The following FBXW10B variants were observed in gnomAD, a reference collection of about 807,000 sequenced individuals.
FBXW10B encodes F-box and WD repeat domain containing protein 10B.
the FBXW10B span, chr17:15,593,459 G>T: frequency 6.2e-7 from 1 of 1,614,136 alleles, no homozygotes; most frequent in Non-Finnish European, 8.5e-7. Context: ...AGGCGCTGAT[G>T]ACCCGGAGGA....
At chr17:15,569,861 C>T in the FBXW10B span, among the ~76,000 whole-genome samples, 20 of 152,276 alleles carry the variant, frequency 1.3e-4, no homozygotes, top group Non-Finnish European at 1.6e-4. Context: ...AGGCATGAGC[C>T]ACCATGTATG....
At chr17:15,572,108 A>G in the FBXW10B span, 3 of 150,266 alleles carry the variant, frequency 2.0e-5, no homozygotes, top group Non-Finnish European at 4.4e-5. Context: ...TTTTTAACTC[A>G]GAACTAACTG....
the FBXW10B span, chr17:15,589,114 T>C: frequency 6.3e-7 from 1 of 1,592,526 alleles, no homozygotes; most frequent in Non-Finnish European, 8.6e-7. Context: ...GAGTCTCACA[T>C]GAGCACACTC....
the FBXW10B span, chr17:15,574,063 T>C: frequency 1.4e-6 from 1 of 692,828 alleles, no homozygotes; most frequent in Non-Finnish European, 2.6e-6. Context: ...GAGAGGAATG[T>C]CTCGTCTTCT....
At chr17:15,576,536 C>T in the FBXW10B span, among the ~76,000 whole-genome samples, 96 of 152,338 alleles carry the variant, frequency 6.3e-4, no homozygotes, top group Admixed American at 3.3e-3. Flanking sequence ...TTCCTGCAGG[C>T]GGAGCCAGGA....
At chr17:15,582,903 A>G in the FBXW10B span, among the ~76,000 whole-genome samples, 8 of 150,920 alleles carry the variant, frequency 5.3e-5, no homozygotes, top group East Asian at 1.6e-3. Context: ...AGCTAGCTGA[A>G]GGCTGTTTCT....
the FBXW10B span, chr17:15,571,759 A>G: frequency 6.6e-6 from 1 of 152,264 alleles, no homozygotes; most frequent in Non-Finnish European, 1.5e-5. Flanking sequence ...ATGAATAGAT[A>G]AACAAATTAC....
the FBXW10B span, among the ~76,000 whole-genome samples, chr17:15,580,908 T>C: frequency 6.6e-6 from 1 of 152,074 alleles, no homozygotes; most frequent in Admixed American, 6.5e-5. Context: ...ATTTACATCA[T>C]TGTATTTAAT....
At chr17:15,607,566 G>C in the FBXW10B span, 1 of 1,610,030 alleles carries the variant, frequency 6.2e-7, no homozygotes, top group Non-Finnish European at 8.5e-7. Context: ...TCTGACCCCA[G>C]TACCTACGTG....
At chr17:15,612,078 C>T in the FBXW10B span, among the ~76,000 whole-genome samples, 3 of 152,146 alleles carry the variant, frequency 2.0e-5, no homozygotes, top group African/African-American at 7.2e-5. Context: ...TTGCTCCTGG[C>T]CTCTGAACTT....
At chr17:15,609,832 TTCTC>T in the FBXW10B span, among the ~76,000 whole-genome samples, 1 of 149,460 alleles carries the variant, frequency 6.7e-6, no homozygotes, top group Non-Finnish European at 1.5e-5. Flanking sequence ...TCTCTCCCTT[TTCTC>T]TCTCTTTCTT....
chr17:15,605,613 C>CA, the FBXW10B span, among the ~76,000 whole-genome samples: 1 of 152,128 alleles, frequency 6.6e-6, no homozygotes, highest in Non-Finnish European at 1.5e-5. Flanking sequence ...CATACGATGA[C>CA]AAAAATCCAT....
the FBXW10B span, among the ~76,000 whole-genome samples, chr17:15,581,034 T>C: frequency 2.8e-4 from 42 of 152,232 alleles, no homozygotes; most frequent in Non-Finnish European, 2.1e-4. Flanking sequence ...CCTTCCCTAT[T>C]GTCTTTTTAT....
chr17:15,603,888 C>G, the FBXW10B span, among the ~76,000 whole-genome samples: 4 of 144,414 alleles, frequency 2.8e-5, no homozygotes, highest in South Asian at 9.2e-4. Context: ...CTGGCTAACA[C>G]GGGGAAACCC....
the FBXW10B span, chr17:15,572,048 T>C: frequency 6.6e-6 from 1 of 151,794 alleles, no homozygotes; most frequent in Non-Finnish European, 1.5e-5. Flanking sequence ...ATTTATATGT[T>C]CCATATCTTG....
the FBXW10B span, among the ~76,000 whole-genome samples, chr17:15,612,231 G>C: frequency 1.3e-5 from 2 of 152,202 alleles, no homozygotes; most frequent in African/African-American, 4.8e-5. Context: ...TGTCGGGCTG[G>C]GCGCGGTGGC....
At chr17:15,611,008 C>A in the FBXW10B span, among the ~76,000 whole-genome samples, 677 of 151,372 alleles carry the variant, frequency 4.5e-3, 7 homozygotes, top group Middle Eastern at 0.031. Flanking sequence ...CAAAGGAAAT[C>A]CAGAAATGTG....
At chr17:15,612,323 C>T in the FBXW10B span, among the ~76,000 whole-genome samples, 1 of 151,622 alleles carries the variant, frequency 6.6e-6, no homozygotes, top group Admixed American at 6.6e-5. Context: ...GGGGCTAACA[C>T]GGTGAAACCC....
At chr17:15,591,776 C>G in the FBXW10B span, among the ~76,000 whole-genome samples, 2 of 152,156 alleles carry the variant, frequency 1.3e-5, no homozygotes, top group African/African-American at 4.8e-5. Context: ...GGAAAGCTCT[C>G]TAATGGGGAG....
Sources: gnomAD v4.1 joint callset for allele counts (sites outside exome capture counted in the v4.1 genomes callset) on GRCh38, gnomAD v4.1.1 for gene constraint, MANE v1.5 for transcripts, NCBI Gene and HGNC (gene_info 2026-07-23, HGNC 2026-07-21) for gene names.